The following ADGRB3 variants were observed in gnomAD, a reference collection of about 807,000 sequenced individuals.
The protein encoded by ADGRB3 is brain-specific angiogenesis inhibitor 3.
In ADGRB3, 37 loss-of-function variants were observed where a neutral mutation model predicts 193.4. The ratio of observed to expected loss-of-function variants is 0.19; its 90% CI spans 0.15 to 0.25. The LOEUF (loss-of-function observed/expected upper bound fraction) is 0.25, where lower values mean the gene tolerates loss of function less well. Ranked by LOEUF, ADGRB3 falls within the 10% of genes least tolerant of loss-of-function variation. ADGRB3 has a pLI of 1.00. For missense variants in ADGRB3, 1,637 were observed against 1,852.9 expected (o/e 0.88, Z 2.14); for synonymous variants, 690 against 644.2 (o/e 1.07, Z -1.08).
intron 6 of ADGRB3, among the ~76,000 whole-genome samples, chr6:68,950,501 T>G (rs2150254093): frequency 6.6e-6 from 1 of 152,328 alleles, no homozygotes; most frequent in South Asian, 2.1e-4. Context: ...ATTGCAGTAC[T>G]CGCTGCTTTG....
Position 68,824,201 on chromosome 6 carries a change from A to G in ADGRB3, c.758-106358A>G, listed in dbSNP as rs1055963680. ...ATTAGATCTAGATGAGACTTATTCT[A>G]TTTGCCATGTCTCTTAAACTTTTAT... is the stretch of plus-strand genomic sequence containing the variant. On this transcript the variant is annotated intron_variant, in intron 3 of 31. Coordinates refer to ENST00000370598, the MANE Select transcript of ADGRB3 (RefSeq NM_001704.3). 3.3e-4 allele frequency among the ~76,000 whole-genome samples: 47 copies of G among 143,594 alleles called. 1 individual carries two copies. The highest frequency in any genetic ancestry group is 1.4e-4 in the Admixed American group (2 of 13,910). The allele number at this position is 143,594 out of a possible 152,430, so 94.2% of individuals were successfully genotyped here.
At chr6:69,103,928 C>T (rs1393009512) in intron 17 of ADGRB3, among the ~76,000 whole-genome samples, 1 of 151,992 alleles carries the variant, frequency 6.6e-6, no homozygotes, top group Non-Finnish European at 1.5e-5. Context: ...TTCACGGATG[C>T]TCTCAGTATT....
chr6:69,023,006 T>A (rs550468495), intron 13 of ADGRB3, among the ~76,000 whole-genome samples: 1 of 152,238 alleles, frequency 6.6e-6, no homozygotes, highest in South Asian at 2.1e-4. Context: ...CTTTTATTGA[T>A]AAGAATATCC....
chr6:68,696,395 G>A (rs1416176524), intron 3 of ADGRB3, among the ~76,000 whole-genome samples: 1 of 150,278 alleles, frequency 6.7e-6, no homozygotes, highest in Admixed American at 6.7e-5. Context: ...CTGTATTTTT[G>A]AAAATTGACA....
At chr6:69,366,348 G>A (rs138772143) in intron 29 of ADGRB3, among the ~76,000 whole-genome samples, 3 of 152,170 alleles carry the variant, frequency 2.0e-5, no homozygotes, top group African/African-American at 7.2e-5. Flanking sequence ...CTTGCAAGTA[G>A]GTTTATTGGT....
intron 6 of ADGRB3, among the ~76,000 whole-genome samples, chr6:68,952,343 G>A (rs568390500): frequency 5.3e-5 from 8 of 151,990 alleles, no homozygotes; most frequent in African/African-American, 1.9e-4. Flanking sequence ...TCTGTTGTCT[G>A]TATATATGTA....
intron 17 of ADGRB3, among the ~76,000 whole-genome samples, chr6:69,181,991 A>C (rs1242432036): frequency 6.6e-6 from 1 of 152,176 alleles, no homozygotes; most frequent in Non-Finnish European, 1.5e-5. Flanking sequence ...CAATGAGAGG[A>C]CCTTTATGAC....
chr6:69,183,950 A>G (rs773790659), intron 17 of ADGRB3, among the ~76,000 whole-genome samples: 1 of 152,130 alleles, frequency 6.6e-6, no homozygotes, highest in Admixed American at 6.6e-5. Context: ...GTTAACTAAT[A>G]CAGTAGTTTT....
At chr6:69,191,684 G>T (rs1765190904) in intron 17 of ADGRB3, among the ~76,000 whole-genome samples, 1 of 152,110 alleles carries the variant, frequency 6.6e-6, no homozygotes, top group South Asian at 2.1e-4. Context: ...ACAGATATTT[G>T]TTGAGTGCGT....
At chr6:68,711,679 T>A (rs1168952012) in intron 3 of ADGRB3, among the ~76,000 whole-genome samples, 1 of 152,114 alleles carries the variant, frequency 6.6e-6, no homozygotes, top group Non-Finnish European at 1.5e-5. Context: ...GACTGCTGGG[T>A]CTGCTGTTAG....
At chr6:68,944,370 A>G (rs964792297) in intron 6 of ADGRB3, among the ~76,000 whole-genome samples, 1 of 152,054 alleles carries the variant, frequency 6.6e-6, no homozygotes, top group African/African-American at 2.4e-5. Context: ...AGTTCTTCCT[A>G]TGTTATTCTC....
At chr6:68,861,424 T>C (rs953198458) in intron 3 of ADGRB3, among the ~76,000 whole-genome samples, 2 of 151,932 alleles carry the variant, frequency 1.3e-5, no homozygotes, top group African/African-American at 4.8e-5. Flanking sequence ...TAGCCGGGCG[T>C]GGTGGCGGGC....
At chr6:68,958,977 G>A (rs1292564345) in intron 8 of ADGRB3, among the ~76,000 whole-genome samples, 1 of 151,562 alleles carries the variant, frequency 6.6e-6, no homozygotes, top group African/African-American at 2.4e-5. Context: ...AAATTGCATT[G>A]TCCATCAGAA....
chr6:68,870,066 A>G (rs1765414327), intron 3 of ADGRB3, among the ~76,000 whole-genome samples: 1 of 152,216 alleles, frequency 6.6e-6, no homozygotes. Flanking sequence ...GGTGTGAGCC[A>G]CTGTGCCCAG....
chr6:69,388,892 A>AAAAACC lies in ADGRB3; in HGVS notation c.*5_*6insCCAAAA. ...GGGTGACTTTCAAACAGAAGTTTAA[A>AAAAACC]AAAATCAAAATGGACTAAGGTAGAG... On this transcript the variant is annotated 3_prime_UTR_variant, in exon 32 of 32. Transcript: ENST00000370598. 5.0e-6 allele frequency: 8 copies of AAAAACC among 1,609,808 alleles called. No homozygotes were observed. The African/African-American group carries it at 1.1e-4, about 22-fold the overall frequency.
intron 3 of ADGRB3, among the ~76,000 whole-genome samples, chr6:68,841,248 T>C (rs1455564512): frequency 3.3e-5 from 5 of 152,166 alleles, no homozygotes; most frequent in African/African-American, 4.8e-5. Context: ...ATAGAACACA[T>C]GGACCTAATA....
At chr6:68,906,508 C>T (rs888561290) in intron 3 of ADGRB3, among the ~76,000 whole-genome samples, 1 of 151,792 alleles carries the variant, frequency 6.6e-6, no homozygotes, top group African/African-American at 2.4e-5. Flanking sequence ...AAAAAGTAGA[C>T]TTACTGGGTC....
chr6:69,206,469 C>T (rs1459906190), intron 17 of ADGRB3, among the ~76,000 whole-genome samples: 2 of 152,060 alleles, frequency 1.3e-5, no homozygotes, highest in Non-Finnish European at 2.9e-5. Flanking sequence ...CACAAGTCCA[C>T]CCTTTGTCAA....
At position 69,072,961 on chromosome 6, in the gene ADGRB3, G is replaced by A. The variant is rs568912513; in HGVS notation, c.2437-3034G>A. On this transcript the variant is annotated intron_variant, in intron 16 of 31. Transcript: ENST00000370598. Reference sequence around the variant, plus strand: ...TACACCATTCCCCTTTCCTTCCATGGAACATCTGGATCTATGCCGTCTGTG... The same window carrying A: ...TACACCATTCCCCTTTCCTTCCATGAAACATCTGGATCTATGCCGTCTGTG... Among the ~76,000 whole-genome samples, 592 of 152,190 alleles carry A rather than the reference G, an allele frequency of 3.9e-3. 6 individuals are homozygous for A. The highest frequency in any genetic ancestry group is 4.9e-3 in the Non-Finnish European group (336 of 68,004).
Sources: allele counts gnomAD v4.1 joint callset (sites outside exome capture counted in the v4.1 genomes callset), GRCh38; gene constraint gnomAD v4.1.1; transcripts MANE v1.5; gene names NCBI Gene and HGNC (gene_info 2026-07-23, HGNC 2026-07-21).